The following HOXB13 variants were observed in gnomAD, a reference collection of about 807,000 sequenced individuals.
HOXB13 encodes the protein homeobox protein Hox-B13.
HOXB13 carries 22 observed loss-of-function variants against 23.1 expected under a neutral mutation model. The observed-to-expected ratio is 0.95, with a 90% CI of 0.68 to 1.36. The LOEUF (loss-of-function observed/expected upper bound fraction) is 1.36. Ranked by LOEUF, HOXB13 falls within the 40% of genes most tolerant of loss-of-function variation. The pLI, the probability that HOXB13 is intolerant of heterozygous loss-of-function variation, is 0.00. For synonymous variants in HOXB13, 173 were observed against 157.9 expected, an observed-to-expected ratio of 1.10 and a Z score of -0.72; for missense variants, 386 against 376.2, an observed-to-expected ratio of 1.03 and a Z score of -0.22.
At position 48,725,147 on chromosome 17, in the gene HOXB13, AAGG is replaced by A. The variant is rs1332951881; in HGVS notation, c.*1640_*1642del. ...AAGCTACCCACATGGGGCTTCCTTGAAGGAGGACGTGGAAGGCAGAAAGTGACC... is the reference window on the plus strand; with the variant it reads ...AAGCTACCCACATGGGGCTTCCTTGAAGGACGTGGAAGGCAGAAAGTGACC... On this transcript the variant is annotated 3_prime_UTR_variant, in exon 2 of 2. Coordinates refer to ENST00000290295, the MANE Select transcript of HOXB13 (RefSeq NM_006361.6). The A allele has an allele frequency of 6.5e-6, 1 of 152,872 alleles. No individual in the cohort carries two copies. Among genetic ancestry groups the A allele is most frequent in the Non-Finnish European group, 1.5e-5 (1 of 68,570 alleles). 9.5% of individuals were successfully genotyped at this position (152,872 alleles called of 1,614,324 possible). A position where few individuals can be genotyped will look rare whatever the true frequency, so the allele number is the denominator to read the frequency against.
rs2038209653 is a variant in HOXB13, at chr17:48,726,490, G to T, written c.*300C>A. ...TCTAGATAGAAAATATGAGGCTAAC[G>T]ATCATGGCAGCTAGTACTGGTTATC... On this transcript the variant is annotated 3_prime_UTR_variant, in exon 2 of 2. Coordinates refer to ENST00000290295, the MANE Select transcript of HOXB13 (RefSeq NM_006361.6). The T allele has an allele frequency of 2.4e-6, 1 of 417,098 alleles. No individual in the cohort carries two copies. Among genetic ancestry groups the T allele is most frequent in the Non-Finnish European group, 4.3e-6 (1 of 231,540 alleles). The allele number at this position is 417,098 out of a possible 1,614,324, so 25.8% of individuals were successfully genotyped here.
Position 48,728,465 on chromosome 17 carries a change from C to T in HOXB13, c.129G>A (p.Met43Ile), listed in dbSNP as rs2038240627. ...LTSHPAAPTL[M>I]PAVNYAPLDL... ...CCAAGGGGGCATAGTTGACAGCAGGCATCAGCGTAGGCGCCGCTGGGTGGC... is the reference window on the plus strand; with the variant it reads ...CCAAGGGGGCATAGTTGACAGCAGGTATCAGCGTAGGCGCCGCTGGGTGGC... The change falls in exon 1 of 2, where the codon ATG becomes ATA. Residue 43 changes from methionine (M) to isoleucine (I), a missense_variant. By Grantham distance (10) the Met-to-Ile change is conservative. Coordinates refer to ENST00000290295, the MANE Select transcript of HOXB13 (RefSeq NM_006361.6). The T allele has an allele frequency of 5.6e-6, 9 of 1,613,118 alleles. No individual in the cohort carries two copies. The highest frequency in any genetic ancestry group is 1.7e-4 in the Middle Eastern group (1 of 6,046).
chr17:48,727,086 A>G, intron 1 of HOXB13, 43 bp from the exon 2 acceptor site: 1 of 1,595,070 alleles, frequency 6.3e-7, no homozygotes, highest in African/African-American at 1.3e-5. Flanking sequence ...ATGGTCAGAT[A>G]CCCACCCATG....
rs1437077057 is a variant in HOXB13 at position 48,727,024 on chromosome 17, A to T, written c.621T>A (p.Pro207=). 1 of 1,608,346 alleles carries T rather than the reference A, an allele frequency of 6.2e-7. No homozygotes were observed. Among genetic ancestry groups the T allele is most frequent in the Non-Finnish European group, 8.5e-7 (1 of 1,179,984 alleles). Residue 207 remains proline, a synonymous_variant, in exon 2 of 2, where the codon CCT becomes CCA. Transcript: ENST00000290295. The part of the protein sequence containing the change: ...AAFADSSGQH[P]PDACAFRRGR... ...CGCGACGAAAGGCGCAGGCGTCAGG[A>T]GGGTGCTGCCCGCTGGAGTCTGCGC...
Position 48,728,648 on chromosome 17 carries a change from G to A in HOXB13, c.-55C>T. The stretch of plus-strand genomic sequence containing the variant: ...GGGCGGGGAATCTAGGGGGCACCCA[G>A]CTCGCTCTCCCCACCCAGGCCGGGG... On this transcript the variant is annotated 5_prime_UTR_variant, in exon 1 of 2. Transcript: ENST00000290295. 3.2e-6 allele frequency: 5 copies of A among 1,586,628 alleles called. No individual in the cohort carries two copies. The highest frequency in any genetic ancestry group is 4.3e-6 in the Non-Finnish European group (5 of 1,164,226).
rs1356729486 is a variant in HOXB13 at position 48,728,607 on chromosome 17, G to C, written c.-14C>G. 2.5e-6 allele frequency: 4 copies of C among 1,610,986 alleles called. No homozygotes were observed. On this transcript the variant is annotated 5_prime_UTR_variant, in exon 1 of 2. Coordinates refer to ENST00000290295, the MANE Select transcript of HOXB13 (RefSeq NM_006361.6). ...GCCGGGCTCCATGGAGCCGAGGGTC[G>C]GCTCATGAGGTGCGGGGGCGGGGAA...
At position 48,728,709 on chromosome 17, in the gene HOXB13, A is replaced by T. The variant is rs1433553886; in HGVS notation, c.-116T>A. On this transcript the variant is annotated 5_prime_UTR_variant, in exon 1 of 2. The change creates a new upstream start codon in the 5' untranslated region. Transcript: ENST00000290295. ...CGTTTTAAATCGCTCCCAGCTCGCA[A>T]GTCGCCTGCATTCGCTCAGCACGGC... The T allele has an allele frequency of 1.0e-6, 1 of 991,178 alleles. No homozygotes were observed. The highest frequency in any genetic ancestry group is 1.5e-6 in the Non-Finnish European group (1 of 671,450). 61.4% of individuals were successfully genotyped at this position (991,178 alleles called of 1,614,324 possible).
At position 48,726,595 on chromosome 17, in the gene HOXB13, T is replaced by A; in HGVS notation, c.*195A>T. ...AACCCTGGTGGAGTGGGCTGTCACATGGGGTTCCGTCTCCCTGCACATACT... is the reference window on the plus strand; with the variant it reads ...AACCCTGGTGGAGTGGGCTGTCACAAGGGGTTCCGTCTCCCTGCACATACT... On this transcript the variant is annotated 3_prime_UTR_variant, in exon 2 of 2. Coordinates refer to ENST00000290295, the MANE Select transcript of HOXB13 (RefSeq NM_006361.6). The A allele has an allele frequency of 1.6e-6, 1 of 628,530 alleles. No individual in the cohort carries two copies. Among genetic ancestry groups the A allele is most frequent in the Non-Finnish European group, 2.7e-6 (1 of 366,386 alleles). 38.9% of individuals were successfully genotyped at this position (628,530 alleles called of 1,614,324 possible).
In HOXB13 at chr17:48,724,999, C is replaced by G. The variant is rs1006578174; in HGVS notation, c.*1791G>C. 5.4e-5 allele frequency: 12 copies of G among 224,190 alleles called. No individual in the cohort carries two copies. The highest frequency in any genetic ancestry group is 2.3e-5 in the African/African-American group (1 of 44,102). 13.9% of individuals were successfully genotyped at this position (224,190 alleles called of 1,614,324 possible). A position where few individuals can be genotyped will look rare whatever the true frequency, so the allele number is the denominator to read the frequency against. Reference sequence around the variant, plus strand: ...CCCCCTCATCTATCTTGCCCCCTCCCCACAGGCCCATCTGCGCTGAACTCT... The same window carrying G: ...CCCCCTCATCTATCTTGCCCCCTCCGCACAGGCCCATCTGCGCTGAACTCT... On this transcript the variant is annotated 3_prime_UTR_variant, in exon 2 of 2. Transcript: ENST00000290295.
At position 48,726,112 on chromosome 17, in the gene HOXB13, A is replaced by C. The variant is rs1374002794; in HGVS notation, c.*678T>G. On this transcript the variant is annotated 3_prime_UTR_variant, in exon 2 of 2. Coordinates refer to ENST00000290295, the MANE Select transcript of HOXB13 (RefSeq NM_006361.6). ...TCTTTTTCTCTGGAAGGAAGGACTG[A>C]CTAGGGGCAGCCTGCTGGCTTCATT... 6.6e-6 allele frequency: 1 copy of C among 152,332 alleles called. No homozygotes were observed. Among genetic ancestry groups the C allele is most frequent in the Non-Finnish European group, 1.5e-5 (1 of 68,114 alleles). 9.4% of individuals were successfully genotyped at this position (152,332 alleles called of 1,614,324 possible).
Position 48,726,773 on chromosome 17 carries a change from C to G in HOXB13, c.*17G>C, listed in dbSNP as rs771264942. 6 of 1,611,156 alleles carry G rather than the reference C, an allele frequency of 3.7e-6. No individual in the cohort carries two copies. The East Asian group carries it at 8.9e-5, about 24-fold the overall frequency. ...ACACCCCCACTTTCGCTCCTCCCACCCAGGCAAGGAGATCTCTTAAGGGGT... is the reference window on the plus strand; with the variant it reads ...ACACCCCCACTTTCGCTCCTCCCACGCAGGCAAGGAGATCTCTTAAGGGGT... On this transcript the variant is annotated 3_prime_UTR_variant, in exon 2 of 2. Transcript: ENST00000290295.
chr17:48,727,938 T>C lies in HOXB13; in HGVS notation c.601+55A>G, dbSNP rs1597933612. 1.1e-5 allele frequency: 17 copies of C among 1,566,028 alleles called. No individual in the cohort carries two copies. The highest frequency in any genetic ancestry group is 2.4e-5 in the South Asian group (2 of 83,458). ...TCCTCCTCCTCCCAGGGAAATGCCA[T>C]TGGGACCCACAACCCCAGGCTCAGA... On this transcript the variant is annotated intron_variant, in intron 1 of 1. Coordinates refer to ENST00000290295, the MANE Select transcript of HOXB13 (RefSeq NM_006361.6).
chr17:48,724,939 CCT>C lies in HOXB13; in HGVS notation c.*1849_*1850del, dbSNP rs1165079745. On this transcript the variant is annotated 3_prime_UTR_variant, in exon 2 of 2. Coordinates refer to ENST00000290295, the MANE Select transcript of HOXB13 (RefSeq NM_006361.6). The stretch of plus-strand genomic sequence containing the variant: ...TGGCAGCCCCTCTTGTGGCCTTTTT[CCT>C]CTCTCCAAGGGGTCACCCCGCACCA... 3 of 325,116 alleles carry C rather than the reference CCT, an allele frequency of 9.2e-6. No individual in the cohort carries two copies. The highest frequency in any genetic ancestry group is 2.1e-5 in the African/African-American group (1 of 46,988). 20.1% of individuals were successfully genotyped at this position (325,116 alleles called of 1,614,324 possible). A position where few individuals can be genotyped will look rare whatever the true frequency, so the allele number is the denominator to read the frequency against.
chr17:48,728,180 C>G lies in HOXB13; in HGVS notation c.414G>C (p.Gln138His), dbSNP rs575899185. 6.2e-7 allele frequency: 1 copy of G among 1,614,220 alleles called. No homozygotes were observed. The highest frequency in any genetic ancestry group is 2.2e-5 in the East Asian group (1 of 44,872). Residue 138 changes from glutamine to histidine, a missense_variant, in exon 1 of 2, where the codon CAG becomes CAC. Gln to His is a conservative substitution (Grantham distance 24). Transcript: ENST00000290295. ...ACACGTCCAGGTAACTGGCCATAGG[C>G]TGGTAGGTTCCCGGATATCCCGGAT... is the stretch of plus-strand genomic sequence containing the variant. Reference protein sequence around the residue: ...AFYPGYPGTYQPMASYLDVSV... With the variant: ...AFYPGYPGTYHPMASYLDVSV...
intron 1 of HOXB13, among the ~76,000 whole-genome samples, chr17:48,727,379 C>T (rs2038222968): frequency 6.6e-6 from 1 of 152,086 alleles, no homozygotes; most frequent in South Asian, 2.1e-4. Context: ...GACTCTTGGC[C>T]ACTCTTTTAG....
rs1343907541 is a variant in HOXB13 at position 48,728,507 on chromosome 17, G to A, written c.87C>T (p.Ala29=). 3.1e-6 allele frequency: 5 copies of A among 1,613,330 alleles called. No individual in the cohort carries two copies. Among genetic ancestry groups the A allele is most frequent in the Non-Finnish European group, 4.2e-6 (5 of 1,179,966 alleles). The part of the protein sequence containing the change: ...LGAGGGRNLV[A]HSPLTSHPAA... ...CTGGGTGGCTGGTCAGAGGGGAGTG[G>A]GCGACCAGATTCCGCCCCCCTCCCG... is the stretch of plus-strand genomic sequence containing the variant. The change falls in exon 1 of 2, where the codon GCC becomes GCT. Residue 29 remains alanine (A), a synonymous_variant. Coordinates refer to ENST00000290295, the MANE Select transcript of HOXB13 (RefSeq NM_006361.6).
intron 1 of HOXB13, among the ~76,000 whole-genome samples, chr17:48,727,515 A>T (rs2038224236): frequency 6.6e-6 from 1 of 152,042 alleles, no homozygotes; most frequent in Non-Finnish European, 1.5e-5. Context: ...GGAAACCTAA[A>T]TTTTTCTTTG....
At position 48,724,840 on chromosome 17, in the gene HOXB13, G is replaced by C; in HGVS notation, c.*1950C>G. On this transcript the variant is annotated 3_prime_UTR_variant, in exon 2 of 2. Coordinates refer to ENST00000290295, the MANE Select transcript of HOXB13 (RefSeq NM_006361.6). ...TTAAGTTTCTGATAGCAGAGTGTGG[G>C]AGTTAGAGCATGGGGAGTCCAGAGG... is the stretch of plus-strand genomic sequence containing the variant. The C allele has an allele frequency of 2.1e-6, 1 of 479,736 alleles. No homozygotes were observed. The highest frequency in any genetic ancestry group is 3.3e-6 in the Non-Finnish European group (1 of 301,864). The allele number at this position is 479,736 out of a possible 1,614,324, so 29.7% of individuals were successfully genotyped here.
rs1228627612 is a variant in HOXB13, at chr17:48,726,440, C to T, written c.*350G>A. 1.3e-5 allele frequency: 3 copies of T among 230,708 alleles called. No individual in the cohort carries two copies. The highest frequency in any genetic ancestry group is 1.0e-4 in the Admixed American group (2 of 19,764). 14.3% of individuals were successfully genotyped at this position (230,708 alleles called of 1,614,324 possible). On this transcript the variant is annotated 3_prime_UTR_variant, in exon 2 of 2. Coordinates refer to ENST00000290295, the MANE Select transcript of HOXB13 (RefSeq NM_006361.6). ...TCATAATTAGCTCAATTCATGAAAG[C>T]GGTTTCTAAAGTGCTCTACAGAGCT...
Sources: gnomAD v4.1 joint callset for allele counts (sites outside exome capture counted in the v4.1 genomes callset) on GRCh38, gnomAD v4.1.1 for gene constraint, MANE v1.5 for transcripts, NCBI Gene and HGNC (gene_info 2026-07-23, HGNC 2026-07-21) for gene names.